PARD3B: variants seen among roughly 807,000 people sequenced by gnomAD.
The protein encoded by PARD3B is partitioning defective 3 homolog B.
In PARD3B, 103 loss-of-function variants were observed where a neutral mutation model predicts 130.2. The observed-to-expected ratio is 0.79, with a 90% CI of 0.67 to 0.93. The LOEUF (loss-of-function observed/expected upper bound fraction) is 0.93. Among genes scored for constraint, PARD3B ranks in the 40% least tolerant of loss-of-function variants. The pLI, the probability that PARD3B is intolerant of heterozygous loss-of-function variation, is 0.00. For missense variants in PARD3B, 1,609 were observed against 1,499.2 expected (o/e 1.07, Z -1.21); for synonymous variants, 583 against 553.2 (o/e 1.05, Z -0.76).
Position 205,124,572 on chromosome 2 carries a change from A to G in PARD3B, c.1305+106A>G, listed in dbSNP as rs146263509. 1,858 of 801,944 alleles carry G rather than the reference A, an allele frequency of 2.3e-3. 23 individuals are homozygous for G. The African/African-American group carries it at 0.029, about 13-fold the overall frequency. 49.7% of individuals were successfully genotyped at this position (801,944 alleles called of 1,614,324 possible). A position where few individuals can be genotyped will look rare whatever the true frequency, so the allele number is the denominator to read the frequency against. On this transcript the variant is annotated intron_variant, in intron 9 of 22. Coordinates refer to ENST00000406610, the MANE Select transcript of PARD3B (RefSeq NM_001302769.2). ...AAATATATTAATATTTTTATTTTGA[A>G]CCTAATATATATTAAAAATTATTAC... is the stretch of plus-strand genomic sequence containing the variant.
chr2:204,957,586 G>A (rs1484219589), intron 2 of PARD3B, among the ~76,000 whole-genome samples: 2 of 152,122 alleles, frequency 1.3e-5, no homozygotes, highest in African/African-American at 4.8e-5. Flanking sequence ...TGATGAAGAT[G>A]CTAATGTGAG....
At chr2:204,600,748 T>C (rs1006289991) in intron 1 of PARD3B, among the ~76,000 whole-genome samples, 5 of 151,888 alleles carry the variant, frequency 3.3e-5, no homozygotes, top group African/African-American at 1.2e-4. Context: ...TCATTCACAT[T>C]TCATGCTTTT....
chr2:204,863,547 A>G (rs1440339795), intron 2 of PARD3B, among the ~76,000 whole-genome samples: 1 of 152,234 alleles, frequency 6.6e-6, no homozygotes, highest in Non-Finnish European at 1.5e-5. Context: ...AGTGTGAGTT[A>G]GAACTTCGGT....
intron 4 of PARD3B, among the ~76,000 whole-genome samples, chr2:205,055,948 C>T (rs944709137): frequency 6.6e-6 from 1 of 152,086 alleles, no homozygotes; most frequent in Non-Finnish European, 1.5e-5. Flanking sequence ...AAAGCTACTA[C>T]CTAAATTTGA....
At chr2:205,227,702 G>A (rs2038632393) in intron 15 of PARD3B, among the ~76,000 whole-genome samples, 1 of 151,790 alleles carries the variant, frequency 6.6e-6, no homozygotes, top group African/African-American at 2.4e-5. Context: ...TGATAAGTAA[G>A]GTCTTACTCT....
rs1045011382 is a variant in PARD3B, at chr2:205,558,562, A to G, written c.3260+5159A>G. ...AAAGTGGGCTATACCTGTTGGTTCT[A>G]TTTCCACTCAACCCACTCACACTAT... is the stretch of plus-strand genomic sequence containing the variant. On this transcript the variant is annotated intron_variant, in intron 22 of 22. Coordinates refer to ENST00000406610, the MANE Select transcript of PARD3B (RefSeq NM_001302769.2). The surrounding 1 kb of genome is among the most constrained non-coding windows in gnomAD (Gnocchi z 4.8). 2.0e-5 allele frequency among the ~76,000 whole-genome samples: 3 copies of G among 152,018 alleles called. No individual in the cohort carries two copies. Among genetic ancestry groups the G allele is most frequent in the Non-Finnish European group, 1.5e-5 (1 of 68,026 alleles).
At chr2:204,787,095 G>A (rs1251420600) in intron 2 of PARD3B, among the ~76,000 whole-genome samples, 2 of 151,860 alleles carry the variant, frequency 1.3e-5, no homozygotes, top group Admixed American at 1.3e-4. Flanking sequence ...TTGCAGCCTA[G>A]GAGTTACTCA....
chr2:204,730,063 T>G (rs77903074), intron 2 of PARD3B, among the ~76,000 whole-genome samples: 2,223 of 146,016 alleles, frequency 0.015, 27 homozygotes, highest in Middle Eastern at 0.036. Context: ...TTTGCATAGT[T>G]AATTTCTTTC....
At position 204,755,782 on chromosome 2, in the gene PARD3B, C is replaced by A. The variant is rs565898431; in HGVS notation, c.222+69500C>A. On this transcript the variant is annotated intron_variant, in intron 2 of 22. Transcript: ENST00000406610. ...AACAAAAGAAATAAGCTCTTACCAT[C>A]ATAGAACATATAATTCTAATGACAG... 3.5e-4 allele frequency among the ~76,000 whole-genome samples: 54 copies of A among 152,206 alleles called. 1 individual carries two copies. The highest frequency in any genetic ancestry group is 1.3e-3 in the African/African-American group (54 of 41,562).
chr2:204,749,534 CATATCTA>C (rs2040378776), intron 2 of PARD3B, among the ~76,000 whole-genome samples: 1 of 152,148 alleles, frequency 6.6e-6, no homozygotes, highest in African/African-American at 2.4e-5. Context: ...CAATTTGACT[CATATCTA>C]ATGAGAGCAT....
intron 22 of PARD3B, among the ~76,000 whole-genome samples, chr2:205,567,745 C>A (rs1162212618): frequency 6.6e-6 from 1 of 151,754 alleles, no homozygotes; most frequent in Non-Finnish European, 1.5e-5. Context: ...CTTCTCCCCA[C>A]CCCCGAGAAG....
intron 2 of PARD3B, among the ~76,000 whole-genome samples, chr2:204,902,669 A>T (rs79260629): frequency 2.0e-5 from 1 of 50,204 alleles, no homozygotes; most frequent in Non-Finnish European, 3.9e-5. Flanking sequence ...ACTCTGTCTC[A>T]AAAAAAAAAA....
intron 2 of PARD3B, among the ~76,000 whole-genome samples, chr2:204,859,723 A>T (rs1044562065): frequency 1.9e-4 from 29 of 152,190 alleles, no homozygotes; most frequent in African/African-American, 7.0e-4. Flanking sequence ...AAGGCTGGGC[A>T]GTGATGGAGA....
intron 4 of PARD3B, among the ~76,000 whole-genome samples, chr2:205,100,310 A>C (rs1407344699): frequency 6.6e-6 from 1 of 152,164 alleles, no homozygotes. Context: ...CATCCCATAC[A>C]GAATTATAAA....
intron 2 of PARD3B, among the ~76,000 whole-genome samples, chr2:204,797,543 A>T (rs1056555009): frequency 1.3e-5 from 2 of 152,216 alleles, no homozygotes; most frequent in Non-Finnish European, 2.9e-5. Flanking sequence ...GCACCAGGAA[A>T]CTAGACCTGT....
chr2:205,092,833 T>G (rs4675494), intron 4 of PARD3B, among the ~76,000 whole-genome samples: 54,484 of 152,014 alleles, frequency 0.36, 10,628 homozygotes, highest in Admixed American at 0.52. Context: ...TAACTCAAGC[T>G]TCCAGCGATT....
At chr2:204,746,342 C>T (rs1450510219) in intron 2 of PARD3B, among the ~76,000 whole-genome samples, 13 of 151,870 alleles carry the variant, frequency 8.6e-5, no homozygotes, top group African/African-American at 2.2e-4. Context: ...TAGTATTCCA[C>T]GGTGTATACG....
intron 3 of PARD3B, among the ~76,000 whole-genome samples, chr2:204,997,086 C>T (rs531119662): frequency 7.9e-5 from 12 of 152,258 alleles, no homozygotes; most frequent in Middle Eastern, 3.4e-3. Context: ...TGTTCCTATT[C>T]GGCCATCTTG....
chr2:205,615,672 T>C lies in PARD3B; in HGVS notation c.3477T>C (p.Val1159=). The C allele has an allele frequency of 6.2e-7, 1 of 1,613,894 alleles. No homozygotes were observed. Among genetic ancestry groups the C allele is most frequent in the Admixed American group, 1.7e-5 (1 of 59,988 alleles). ...ACAAAGGACCCTTTCGACAAGACGT[T>C]CCGCCTTCCCCTCCCCAGCACCAAA... ...PQHKGPFRQD[V]PPSPPQHQRM... The change falls in exon 23 of 23, where the codon GTT becomes GTC. Residue 1159 remains valine, a synonymous_variant. Transcript: ENST00000406610.
Sources: gnomAD v4.1 joint callset for allele counts (sites outside exome capture counted in the v4.1 genomes callset) on GRCh38, gnomAD v4.1.1 for gene constraint, Gnocchi (gnomAD v3.1) non-coding constraint, MANE v1.5 for transcripts, NCBI Gene and HGNC (gene_info 2026-07-23, HGNC 2026-07-21) for gene names.